SLC2A13: variants seen among roughly 807,000 people sequenced by gnomAD.
SLC2A13 encodes proton myo-inositol cotransporter.
A neutral mutation model predicts 64.4 loss-of-function variants in SLC2A13; 32 were observed. The observed-to-expected ratio is 0.50, with a 90% CI of 0.37 to 0.67. The LOEUF is 0.67. Among genes scored for constraint, SLC2A13 ranks in the 30% least tolerant of loss-of-function variants. The pLI is 0.00. For missense variants in SLC2A13, 743 were observed against 829.2 expected (o/e 0.90, Z 1.28); for synonymous variants, 338 against 327.1 (o/e 1.03, Z -0.36).
intron 4 of SLC2A13, among the ~76,000 whole-genome samples, chr12:39,893,664 T>C (rs1944670507): frequency 6.6e-6 from 1 of 152,178 alleles, no homozygotes; most frequent in Non-Finnish European, 1.5e-5. Flanking sequence ...AAAGTTAAAT[T>C]CTAACTAGAA....
intron 7 of SLC2A13, among the ~76,000 whole-genome samples, chr12:39,787,704 A>T (rs546837257): frequency 6.6e-6 from 1 of 151,302 alleles, no homozygotes; most frequent in African/African-American, 2.5e-5. Context: ...ATGCAAATGA[A>T]TAAATAGCAA....
At chr12:40,046,906 CTTT>C (rs146609362) in intron 2 of SLC2A13, among the ~76,000 whole-genome samples, 1 of 144,928 alleles carries the variant, frequency 6.9e-6, no homozygotes. Context: ...TTCTTTCTTT[CTTT>C]TTTTTTTTTT....
At chr12:39,999,494 G>A (rs561979476) in intron 3 of SLC2A13, among the ~76,000 whole-genome samples, 1 of 151,888 alleles carries the variant, frequency 6.6e-6, no homozygotes, top group African/African-American at 2.4e-5. Context: ...TTGAGATAAG[G>A]ACTGAAATAT....
intron 4 of SLC2A13, among the ~76,000 whole-genome samples, chr12:39,940,464 C>A (rs1034417039): frequency 4.6e-5 from 7 of 151,830 alleles, no homozygotes; most frequent in South Asian, 4.1e-4. Context: ...GAGAATGGAA[C>A]AGATCCAGAA....
chr12:40,077,839 G>A (rs1015042713), intron 1 of SLC2A13, among the ~76,000 whole-genome samples: 2 of 151,886 alleles, frequency 1.3e-5, no homozygotes, highest in African/African-American at 4.8e-5. Flanking sequence ...AGCAGTGTGT[G>A]GTAATTCTCA....
chr12:39,933,205 G>T (rs892462993), intron 4 of SLC2A13, among the ~76,000 whole-genome samples: 2 of 152,180 alleles, frequency 1.3e-5, no homozygotes, highest in African/African-American at 4.8e-5. Context: ...CCCCAGCCTG[G>T]GCGACAGAGC....
At chr12:39,893,635 T>C (rs1212004364) in intron 4 of SLC2A13, among the ~76,000 whole-genome samples, 1 of 152,222 alleles carries the variant, frequency 6.6e-6, no homozygotes, top group Non-Finnish European at 1.5e-5. Context: ...AAATCCATGG[T>C]TAATTTAAAA....
At chr12:39,935,556 T>C (rs1407421440) in intron 4 of SLC2A13, among the ~76,000 whole-genome samples, 2 of 152,300 alleles carry the variant, frequency 1.3e-5, no homozygotes, top group East Asian at 1.9e-4. Context: ...CTGGGGAATA[T>C]TGCAAGGGGG....
chr12:39,941,208 T>C (rs923138398), intron 4 of SLC2A13, among the ~76,000 whole-genome samples: 1 of 152,128 alleles, frequency 6.6e-6, no homozygotes, highest in Non-Finnish European at 1.5e-5. Context: ...GACTTTGCAA[T>C]TGTGAATTGT....
chr12:39,942,259 A>G (rs1592304026), intron 4 of SLC2A13, among the ~76,000 whole-genome samples: 1 of 152,108 alleles, frequency 6.6e-6, no homozygotes, highest in Non-Finnish European at 1.5e-5. Flanking sequence ...TGATGGTGGT[A>G]GTCTGATGGG....
intron 7 of SLC2A13, among the ~76,000 whole-genome samples, chr12:39,822,452 TA>T (rs1942551670): frequency 6.6e-6 from 1 of 152,228 alleles, no homozygotes; most frequent in African/African-American, 2.4e-5. Flanking sequence ...TCTAAACTCA[TA>T]TTTACTGTAT....
At chr12:39,928,017 G>T (rs563815210) in intron 4 of SLC2A13, among the ~76,000 whole-genome samples, 19 of 152,166 alleles carry the variant, frequency 1.2e-4, no homozygotes, top group Non-Finnish European at 1.6e-4. Context: ...TATTCATGTT[G>T]CAGGAAACGA....
At chr12:40,021,212 A>G (rs1947710193) in intron 3 of SLC2A13, among the ~76,000 whole-genome samples, 1 of 152,226 alleles carries the variant, frequency 6.6e-6, no homozygotes, top group African/African-American at 2.4e-5. Flanking sequence ...TCCCGTGAGT[A>G]TGCTCAGTGG....
At chr12:40,000,110 C>T (rs549517828) in intron 3 of SLC2A13, among the ~76,000 whole-genome samples, 2 of 152,306 alleles carry the variant, frequency 1.3e-5, no homozygotes, top group Non-Finnish European at 2.9e-5. Flanking sequence ...TGCACAAGCT[C>T]TCTTTGCCTG....
intron 1 of SLC2A13, among the ~76,000 whole-genome samples, chr12:40,060,199 T>C (rs573458711): frequency 7.0e-4 from 107 of 152,244 alleles, no homozygotes; most frequent in Non-Finnish European, 6.9e-4. Context: ...GGAAGGATGA[T>C]GAATGGATGA....
intron 4 of SLC2A13, among the ~76,000 whole-genome samples, chr12:39,899,889 C>G (rs1945037572): frequency 6.6e-6 from 1 of 151,952 alleles, no homozygotes; most frequent in African/African-American, 2.4e-5. Flanking sequence ...CTGAGGAGAG[C>G]TTTCCTTCCA....
At chr12:39,774,264 G>T (rs191358949) in intron 7 of SLC2A13, among the ~76,000 whole-genome samples, 1 of 152,262 alleles carries the variant, frequency 6.6e-6, no homozygotes, top group East Asian at 1.9e-4. Flanking sequence ...CAGAGATTTA[G>T]GATGGTGTAA....
chr12:39,919,649 G>A (rs1945580702), intron 4 of SLC2A13, among the ~76,000 whole-genome samples: 1 of 151,982 alleles, frequency 6.6e-6, no homozygotes, highest in East Asian at 1.9e-4. Context: ...TGTATAAAAG[G>A]TTCAAAGGGC....
intron 4 of SLC2A13, among the ~76,000 whole-genome samples, chr12:39,930,154 C>T (rs1412091232): frequency 1.4e-5 from 2 of 148,036 alleles, no homozygotes; most frequent in South Asian, 2.1e-4. Flanking sequence ...AACCAAAAAA[C>T]GAAAAAGAAT....
Sources: gnomAD v4.1 joint callset for allele counts (sites outside exome capture counted in the v4.1 genomes callset) on GRCh38, gnomAD v4.1.1 for gene constraint, MANE v1.5 for transcripts, NCBI Gene and HGNC (gene_info 2026-07-23, HGNC 2026-07-21) for gene names.